Variants in PFKFB3 observed in about 807,000 individuals in gnomAD.
The protein encoded by PFKFB3 is 6-phosphofructo-2-kinase/fructose-2,6-bisphosphatase 3.
PFKFB3 carries 33 observed loss-of-function variants against 68.0 expected under a neutral mutation model. The ratio of observed to expected loss-of-function variants is 0.49; its 90% CI spans 0.37 to 0.65. PFKFB3 has a LOEUF of 0.65. Ranked by LOEUF, PFKFB3 falls within the 30% of genes least tolerant of loss-of-function variation. The probability of loss-of-function intolerance (pLI) is 0.00; values close to 1 mark genes in which losing one functional copy is unlikely to be tolerated. For synonymous variants in PFKFB3, 315 were observed against 288.2 expected, an observed-to-expected ratio of 1.09 and a Z score of -0.94; for missense variants, 586 against 712.2, an observed-to-expected ratio of 0.82 and a Z score of 2.02.
At chr10:6,303,865 C>T in the PFKFB3 span, among the ~76,000 whole-genome samples, 2 of 151,652 alleles carry the variant, frequency 1.3e-5, no homozygotes, top group Non-Finnish European at 2.9e-5. Context: ...TAGTGAGTTC[C>T]AGCCAATAGA....
At chr10:6,297,668 GT>G in the PFKFB3 span, among the ~76,000 whole-genome samples, 8 of 152,204 alleles carry the variant, frequency 5.3e-5, no homozygotes, top group Admixed American at 2.0e-4. Flanking sequence ...TCTCAGGAAT[GT>G]TTGCATTTGA....
the PFKFB3 span, among the ~76,000 whole-genome samples, chr10:6,303,780 G>A: frequency 2.1e-5 from 3 of 143,146 alleles, no homozygotes; most frequent in Non-Finnish European, 3.0e-5. Flanking sequence ...AGCCTGGGCA[G>A]CAGAGTGAGA....
chr10:6,221,774 T>C (rs1319727692), intron 10 of PFKFB3, 29 bp downstream of exon 10: 1 of 1,450,958 alleles, frequency 6.9e-7, no homozygotes, highest in Non-Finnish European at 9.5e-7. Context: ...GGGCTGACGG[T>C]CCCCAGCACA....
chr10:6,245,407 T>TATTA (rs1243187783), intron 14 of PFKFB3, among the ~76,000 whole-genome samples: 6 of 149,730 alleles, frequency 4.0e-5, no homozygotes, highest in Non-Finnish European at 8.9e-5. Flanking sequence ...TTTGATTTAT[T>TATTA]ATTATTATTA....
chr10:6,318,750 A>G, the PFKFB3 span, among the ~76,000 whole-genome samples: 1 of 152,188 alleles, frequency 6.6e-6, no homozygotes, highest in Non-Finnish European at 1.5e-5. Flanking sequence ...TAAAGGGGAA[A>G]AACATTATTC....
the PFKFB3 span, among the ~76,000 whole-genome samples, chr10:6,299,769 A>G: frequency 2.6e-5 from 4 of 152,234 alleles, no homozygotes; most frequent in Non-Finnish European, 5.9e-5. Context: ...TTCAAAGCTC[A>G]GCAGAGATGG....
rs1588485464 is a variant in PFKFB3 at position 6,210,346 on chromosome 10, GTTTTTTTTTGTTTTTTTGTTTT to G, written c.77-3267_77-3246del. On this transcript the variant is annotated intron_variant, in intron 1 of 14. Coordinates refer to ENST00000379775, the MANE Select transcript of PFKFB3 (RefSeq NM_004566.4). ...GGCGCCCCTCTCTTTGTTTTTTTTTGTTTTTTTTTGTTTTTTTGTTTTTTTTTTTTTTGAGACGAAGTTTCGC... is the reference window on the plus strand; with the variant it reads ...GGCGCCCCTCTCTTTGTTTTTTTTTGTTTTTTTTTTGAGACGAAGTTTCGC... 9.1e-5 allele frequency among the ~76,000 whole-genome samples: 3 copies of G among 32,804 alleles called. 1 individual carries two copies. Among genetic ancestry groups the G allele is most frequent in the East Asian group, 2.6e-3 (2 of 784 alleles). The allele number at this position is 32,804 out of a possible 152,430, so 21.5% of individuals were successfully genotyped here. A position where few individuals can be genotyped will look rare whatever the true frequency, so the allele number is the denominator to read the frequency against.
intron 14 of PFKFB3, among the ~76,000 whole-genome samples, chr10:6,231,836 C>T (rs1417406937): frequency 1.3e-5 from 2 of 151,612 alleles, no homozygotes; most frequent in Non-Finnish European, 2.9e-5. Context: ...CACTCATCAC[C>T]TCCCGGTGGG....
At position 6,215,454 on chromosome 10, in the gene PFKFB3, C is replaced by CTT. The variant is rs1554850819; in HGVS notation, c.299+137_299+138insTT. On this transcript the variant is annotated intron_variant, in intron 3 of 14. Transcript: ENST00000379775. The surrounding 1 kb of genome is among the most constrained non-coding windows in gnomAD (Gnocchi z 4.3). ...GGAATAAGGCTGGGCTGCGGGGCTG[C>CTT]GGGTGTAAGGCTGGGCTGCGGGCTT... 2.2e-5 allele frequency: 15 copies of CTT among 677,920 alleles called. No individual in the cohort carries two copies. In the African/African-American group the frequency reaches 3.1e-4, roughly 14 times the overall value. The allele number at this position is 677,920 out of a possible 1,614,324, so 42.0% of individuals were successfully genotyped here.
intron 1 of PFKFB3, among the ~76,000 whole-genome samples, chr10:6,191,171 C>T (rs559676049): frequency 4.2e-4 from 64 of 152,234 alleles, no homozygotes; most frequent in African/African-American, 1.4e-3. Context: ...GTCAAGTGGC[C>T]GAACACCGAA....
At chr10:6,231,199 A>G (rs1845717405) in intron 14 of PFKFB3, 2 of 1,171,518 alleles carry the variant, frequency 1.7e-6, no homozygotes, top group Non-Finnish European at 2.6e-6. Context: ...AATCCTACTA[A>G]AGATTTTCTT....
chr10:6,203,071 G>A lies in PFKFB3; in HGVS notation c.-190G>A, dbSNP rs547174306. 14 of 1,407,658 alleles carry A rather than the reference G, an allele frequency of 9.9e-6. No homozygotes were observed. In the South Asian group the frequency reaches 1.9e-4, roughly 19 times the overall value. 87.2% of individuals were successfully genotyped at this position (1,407,658 alleles called of 1,614,324 possible). A position where few individuals can be genotyped will look rare whatever the true frequency, so the allele number is the denominator to read the frequency against. On this transcript the variant is annotated 5_prime_UTR_variant, in exon 1 of 15. Coordinates refer to ENST00000379775, the MANE Select transcript of PFKFB3 (RefSeq NM_004566.4). ...CAGCCTCGCTACCCTCGCAGCACACGTCGAGCCCCGCACAGGCGAGGGTCC... is the reference window on the plus strand; with the variant it reads ...CAGCCTCGCTACCCTCGCAGCACACATCGAGCCCCGCACAGGCGAGGGTCC...
chr10:6,224,198 C>A lies in PFKFB3; in HGVS notation c.1326C>A (p.His442Gln). The A allele has an allele frequency of 1.9e-6, 3 of 1,614,158 alleles. No individual in the cohort carries two copies. Among genetic ancestry groups the A allele is most frequent in the Non-Finnish European group, 2.5e-6 (3 of 1,180,030 alleles). The change falls in exon 13 of 15, where the codon CAC becomes CAA. Residue 442 changes from histidine (H) to glutamine (Q), a missense_variant. His to Gln is a conservative substitution (Grantham distance 24). Coordinates refer to ENST00000379775, the MANE Select transcript of PFKFB3 (RefSeq NM_004566.4). ...IYLNVESVCT[H>Q]RERSEDAKKG... ...TGAACGTGGAGTCCGTCTGCACACACCGGGAGAGGTCAGAGGTGAGTGGAG... is the reference window on the plus strand; with the variant it reads ...TGAACGTGGAGTCCGTCTGCACACAACGGGAGAGGTCAGAGGTGAGTGGAG...
chr10:6,233,027 G>A lies in PFKFB3; in HGVS notation c.*85G>A. ...CCGCCCGAGGCAAAACGTATCCTGA[G>A]GACTTCTTCCGGAGAGGGTGGGGTG... On this transcript the variant is annotated 3_prime_UTR_variant, in exon 15 of 15. Transcript: ENST00000379775. 1 of 1,075,554 alleles carries A rather than the reference G, an allele frequency of 9.3e-7. No homozygotes were observed. The highest frequency in any genetic ancestry group is 1.4e-6 in the Non-Finnish European group (1 of 691,714). 66.6% of individuals were successfully genotyped at this position (1,075,554 alleles called of 1,614,324 possible).
chr10:6,236,071 G>A (rs952541845), downstream of PFKFB3, among the ~76,000 whole-genome samples: 10 of 152,050 alleles, frequency 6.6e-5, no homozygotes, highest in African/African-American at 1.9e-4. Context: ...CTGGCCCCAC[G>A]TCGGTTTTAC....
chr10:6,265,780 C>A, the PFKFB3 span, among the ~76,000 whole-genome samples: 1 of 152,192 alleles, frequency 6.6e-6, no homozygotes, highest in Non-Finnish European at 1.5e-5. Flanking sequence ...TTGTCTCAAC[C>A]AATCTTTGCT....
At chr10:6,214,386 A>T (rs553791888) in intron 2 of PFKFB3, among the ~76,000 whole-genome samples, 138 of 152,232 alleles carry the variant, frequency 9.1e-4, no homozygotes, top group African/African-American at 3.2e-3. Flanking sequence ...TCCGTGGCAA[A>T]ATTGTCTTCC....
chr10:6,175,573 G>A (rs1026867831), intron 1 of PFKFB3, among the ~76,000 whole-genome samples: 2 of 152,282 alleles, frequency 1.3e-5, no homozygotes, highest in Admixed American at 6.5e-5. Context: ...TCCAGGGCCC[G>A]GGCTCTTATC....
At chr10:6,179,921 G>A (rs547314885) in intron 1 of PFKFB3, among the ~76,000 whole-genome samples, 36 of 152,216 alleles carry the variant, frequency 2.4e-4, no homozygotes, top group South Asian at 6.2e-4. Context: ...TAACTAACTC[G>A]AGACCAGGAG....
Sources: gnomAD v4.1 joint callset for allele counts (sites outside exome capture counted in the v4.1 genomes callset) on GRCh38, gnomAD v4.1.1 for gene constraint, Gnocchi (gnomAD v3.1) non-coding constraint, MANE v1.5 for transcripts, NCBI Gene and HGNC (gene_info 2026-07-23, HGNC 2026-07-21) for gene names.